The following C12orf60 variants were observed in gnomAD, a reference collection of about 807,000 sequenced individuals.
C12orf60 encodes the protein chromosome 12 open reading frame 60, also known as uncharacterized protein C12orf60.
For synonymous variants in C12orf60, 102 were observed against 94.6 expected (o/e 1.08, Z -0.45); for missense variants, 284 against 283.2 (o/e 1.00, Z -0.02).
rs1432037864 is a variant in C12orf60, at chr12:14,806,438, C to G, written c.-25+2687C>G. 9.3e-6 allele frequency: 15 copies of G among 1,614,228 alleles called. No homozygotes were observed. Among genetic ancestry groups the G allele is most frequent in the Non-Finnish European group, 1.3e-5 (15 of 1,180,050 alleles). ...TATCTTTTAGTGCTTCATCAACCTT[C>G]TGCAATTCCTTTTGGATTTTCATAA... On this transcript the variant is annotated intron_variant, in intron 1 of 1. Coordinates refer to ENST00000330828, the MANE Select transcript of C12orf60 (RefSeq NM_175874.4).
intron 1 of C12orf60, among the ~76,000 whole-genome samples, chr12:14,816,668 A>T (rs1221912453): frequency 1.3e-5 from 2 of 151,162 alleles, no homozygotes; most frequent in Non-Finnish European, 3.0e-5. Context: ...CATTGTAATG[A>T]CTAAACATAA....
rs756278174 is a variant in C12orf60 at position 14,822,903 on chromosome 12, G to C, written c.-24-9G>C. ...TATTTTTCATTTGGATTACTGCTTT[G>C]CTTTGCAGTGTTGGAACTTATTTGT... is the stretch of plus-strand genomic sequence containing the variant. On this transcript the variant is annotated splice_polypyrimidine_tract_variant and intron_variant, in intron 1 of 1. Coordinates refer to ENST00000330828, the MANE Select transcript of C12orf60 (RefSeq NM_175874.4). The C allele has an allele frequency of 6.5e-7, 1 of 1,527,760 alleles. No individual in the cohort carries two copies. Among genetic ancestry groups the C allele is most frequent in the South Asian group, 1.3e-5 (1 of 76,122 alleles). The allele number at this position is 1,527,760 out of a possible 1,614,324, so 94.6% of individuals were successfully genotyped here.
chr12:14,811,927 A>G (rs1348757012), intron 1 of C12orf60, among the ~76,000 whole-genome samples: 2 of 152,230 alleles, frequency 1.3e-5, no homozygotes, highest in Non-Finnish European at 2.9e-5. Flanking sequence ...ATTAAAAGTG[A>G]ACGGTTTGGT....
intron 1 of C12orf60, among the ~76,000 whole-genome samples, chr12:14,809,505 T>C (rs971680368): frequency 2.6e-5 from 4 of 152,154 alleles, no homozygotes; most frequent in African/African-American, 9.7e-5. Context: ...CTTCTATCTG[T>C]TTAATAATAA....
chr12:14,811,917 A>G (rs911187049), intron 1 of C12orf60, among the ~76,000 whole-genome samples: 3 of 152,226 alleles, frequency 2.0e-5, no homozygotes, highest in Non-Finnish European at 4.4e-5. Context: ...TTATGGAGAA[A>G]TTAAAAGTGA....
intron 1 of C12orf60, among the ~76,000 whole-genome samples, chr12:14,815,894 A>G (rs1046029437): frequency 2.6e-5 from 4 of 152,218 alleles, no homozygotes; most frequent in Non-Finnish European, 5.9e-5. Flanking sequence ...CTCTCCTACC[A>G]CATAGCAGCC....
At chr12:14,818,045 T>G (rs533999422) in intron 1 of C12orf60, among the ~76,000 whole-genome samples, 1 of 152,220 alleles carries the variant, frequency 6.6e-6, no homozygotes, top group African/African-American at 2.4e-5. Context: ...AGATGGTATC[T>G]CACTGTGGTT....
chr12:14,804,080 A>G (rs911737054), intron 1 of C12orf60, among the ~76,000 whole-genome samples: 2 of 152,180 alleles, frequency 1.3e-5, no homozygotes, highest in African/African-American at 4.8e-5. Flanking sequence ...ATGGGCGGTG[A>G]TTTATTATTT....
intron 1 of C12orf60, 69 bp downstream of exon 1, chr12:14,803,820 G>A (rs2137247384): frequency 4.2e-6 from 1 of 239,240 alleles, no homozygotes; most frequent in South Asian, 1.8e-4. Context: ...CTGTCTTTTG[G>A]AATTACCTTA....
chr12:14,818,929 T>G (rs1028801117), intron 1 of C12orf60, among the ~76,000 whole-genome samples: 5 of 152,220 alleles, frequency 3.3e-5, no homozygotes, highest in African/African-American at 1.2e-4. Flanking sequence ...GTGAGTCCTC[T>G]AACTCTGTTC....
At chr12:14,815,530 G>A (rs1356771185) in intron 1 of C12orf60, among the ~76,000 whole-genome samples, 1 of 152,172 alleles carries the variant, frequency 6.6e-6, no homozygotes, top group Non-Finnish European at 1.5e-5. Context: ...AAAATAGTTT[G>A]TAGATAGCCT....
chr12:14,823,907 C>A lies in C12orf60; in HGVS notation c.*234C>A, dbSNP rs1466669330. Reference sequence around the variant, plus strand: ...AAGAAGAATATATTGTTGAAAAAAACAAAGTGGTATTACATTTGAGGATGT... The same window carrying A: ...AAGAAGAATATATTGTTGAAAAAAAAAAAGTGGTATTACATTTGAGGATGT... On this transcript the variant is annotated 3_prime_UTR_variant, in exon 2 of 2. Coordinates refer to ENST00000330828, the MANE Select transcript of C12orf60 (RefSeq NM_175874.4). 3 of 327,802 alleles carry A rather than the reference C, an allele frequency of 9.2e-6. No homozygotes were observed. The highest frequency in any genetic ancestry group is 1.1e-5 in the Non-Finnish European group (2 of 177,958). The allele number at this position is 327,802 out of a possible 1,614,324, so 20.3% of individuals were successfully genotyped here.
At chr12:14,807,252 A>G (rs988955267) in intron 1 of C12orf60, among the ~76,000 whole-genome samples, 1 of 152,206 alleles carries the variant, frequency 6.6e-6, no homozygotes, top group Non-Finnish European at 1.5e-5. Context: ...TGGTGGTGAG[A>G]AATATTCATC....
At chr12:14,811,064 T>C (rs1950128389) in intron 1 of C12orf60, among the ~76,000 whole-genome samples, 1 of 152,214 alleles carries the variant, frequency 6.6e-6, no homozygotes, top group Non-Finnish European at 1.5e-5. Context: ...CAGCAAGTGG[T>C]ATATTTAATC....
intron 1 of C12orf60, among the ~76,000 whole-genome samples, chr12:14,813,618 C>T (rs531721930): frequency 5.3e-5 from 8 of 152,170 alleles, no homozygotes; most frequent in Non-Finnish European, 7.3e-5. Context: ...GCCCTCAAGA[C>T]GATAACAGCC....
At chr12:14,822,189 C>T (rs1950317038) in intron 1 of C12orf60, among the ~76,000 whole-genome samples, 1 of 147,750 alleles carries the variant, frequency 6.8e-6, no homozygotes, top group Admixed American at 6.9e-5. Context: ...GGCAGAGCCC[C>T]TGCACCTGAT....
intron 1 of C12orf60, among the ~76,000 whole-genome samples, chr12:14,822,345 AAC>A (rs1394662789): frequency 6.6e-6 from 1 of 151,852 alleles, no homozygotes; most frequent in Non-Finnish European, 1.5e-5. Flanking sequence ...AACAACAACA[AAC>A]ACAGAAAAAC....
At chr12:14,810,033 AT>A in intron 1 of C12orf60, among the ~76,000 whole-genome samples, 1 of 152,336 alleles carries the variant, frequency 6.6e-6, no homozygotes, top group Middle Eastern at 3.4e-3. Flanking sequence ...GGATCTAGAC[AT>A]CAGTTCATGA....
At chr12:14,809,236 C>G (rs777962009) in intron 1 of C12orf60, among the ~76,000 whole-genome samples, 4 of 152,170 alleles carry the variant, frequency 2.6e-5, no homozygotes, top group Admixed American at 6.5e-5. Flanking sequence ...AGAAATGAAC[C>G]TTCCTCCTGG....
Sources: gnomAD v4.1 joint callset for allele counts (sites outside exome capture counted in the v4.1 genomes callset) on GRCh38, gnomAD v4.1.1 for gene constraint, MANE v1.5 for transcripts, NCBI Gene and HGNC (gene_info 2026-07-23, HGNC 2026-07-21) for gene names.